SREBF1: variants seen among roughly 807,000 people sequenced by gnomAD.
SREBF1 encodes the protein sterol regulatory element-binding protein 1.
Under a neutral mutation model 100.1 loss-of-function variants are expected in SREBF1, and 45 were observed. The ratio of observed to expected loss-of-function variants is 0.45; its 90% CI spans 0.35 to 0.58. The LOEUF (loss-of-function observed/expected upper bound fraction) is 0.58. SREBF1 is among the 20% of genes least tolerant of loss of function. The pLI is 0.00. For missense variants in SREBF1, 1,324 were observed against 1,539.4 expected, an observed-to-expected ratio of 0.86 and a Z score of 2.34; for synonymous variants, 657 against 681.8, an observed-to-expected ratio of 0.96 and a Z score of 0.57.
chr17:17,830,676 C>T (rs1046867224), intron 1 of SREBF1, among the ~76,000 whole-genome samples: 2 of 152,182 alleles, frequency 1.3e-5, no homozygotes, highest in African/African-American at 4.8e-5. Flanking sequence ...CACAAATTCC[C>T]CCTAGGGGGA....
At chr17:17,828,558 G>A (rs766982921) in intron 1 of SREBF1, among the ~76,000 whole-genome samples, 2 of 152,174 alleles carry the variant, frequency 1.3e-5, no homozygotes, top group Admixed American at 6.5e-5. Flanking sequence ...AACAACCCAC[G>A]GGCCTGATGC....
chr17:17,811,602 CT>C lies in SREBF1; in HGVS notation c.*1019del, dbSNP rs368236067. The C allele has an allele frequency of 1.3e-3, 526 of 410,952 alleles. 5 individuals are homozygous for C. The highest frequency in any genetic ancestry group is 9.6e-3 in the African/African-American group (446 of 46,236). The allele number at this position is 410,952 out of a possible 1,614,324, so 25.5% of individuals were successfully genotyped here. On this transcript the variant is annotated 3_prime_UTR_variant, in exon 19 of 19. Transcript: ENST00000261646. Reference sequence around the variant, plus strand: ...ACAGAACAGGAAACCTCCCCCGCCCCTGTGCCCCCTCTCCAGTGTGGCGGCA... The same window carrying C: ...ACAGAACAGGAAACCTCCCCCGCCCCGTGCCCCCTCTCCAGTGTGGCGGCA...
Position 17,813,380 on chromosome 17 carries a change from CG to C in SREBF1, c.3201del (p.Gly1068ValfsTer139). The C allele has an allele frequency of 1.3e-6, 2 of 1,596,856 alleles. No homozygotes were observed. Among genetic ancestry groups the C allele is most frequent in the Non-Finnish European group, 1.7e-6 (2 of 1,173,400 alleles). ...GCTGCCCCCTCACCTCCTTTGCCACCGGGGCCTGCCCGCCGCCTCAGACTGC... is the reference window on the plus strand; with the variant it reads ...GCTGCCCCCTCACCTCCTTTGCCACCGGGCCTGCCCGCCGCCTCAGACTGC... ...LDRSLRRRAG[P>X]GGKGGAVAEL... On this transcript the variant is annotated frameshift_variant, in exon 18 of 19. Transcript: ENST00000261646. LOFTEE classifies it high-confidence loss of function.
Position 17,814,750 on chromosome 17 carries a change from G to A in SREBF1, c.2603-3C>T. ...CCACTTGGCCACCGGGTCTACGCCT[G>A]CAGAAGAGGGAGGGTCCCCTGAACC... is the stretch of plus-strand genomic sequence containing the variant. On this transcript the variant is annotated splice_polypyrimidine_tract_variant and splice_region_variant and intron_variant, in intron 14 of 18. Transcript: ENST00000261646. 2.5e-6 allele frequency: 4 copies of A among 1,611,410 alleles called. No homozygotes were observed. Among genetic ancestry groups the A allele is most frequent in the Non-Finnish European group, 3.4e-6 (4 of 1,179,482 alleles).
chr17:17,835,123 G>C (rs527531217), intron 1 of SREBF1, among the ~76,000 whole-genome samples: 2 of 152,202 alleles, frequency 1.3e-5, no homozygotes, highest in Non-Finnish European at 2.9e-5. Context: ...GAGGGCTTGA[G>C]CAGGATGACA....
chr17:17,819,478 G>T (rs762701559), intron 3 of SREBF1, 24 bp from the exon 4 acceptor site: 2 of 1,613,276 alleles, frequency 1.2e-6, no homozygotes, highest in Admixed American at 3.3e-5. Flanking sequence ...AGGCTTGGCT[G>T]TAAGCTGTGT....
At position 17,814,370 on chromosome 17, in the gene SREBF1, C is replaced by A. The variant is rs749088010; in HGVS notation, c.2776G>T (p.Ala926Ser). 3 of 1,567,232 alleles carry A rather than the reference C, an allele frequency of 1.9e-6. No individual in the cohort carries two copies. Among genetic ancestry groups the A allele is most frequent in the South Asian group, 1.2e-5 (1 of 85,558 alleles). ...TTGGCACAGCCCAGCAGGGCCCGGGCAGCCTTGAAGGAGTGCAGAGCTGCC... is the reference window on the plus strand; with the variant it reads ...TTGGCACAGCCCAGCAGGGCCCGGGAAGCCTTGAAGGAGTGCAGAGCTGCC... ...PRAALHSFKA[A>S]RALLGCAKAE... Residue 926 changes from alanine to serine, a missense_variant, in exon 16 of 19, where the codon GCC (alanine) becomes TCC (serine). By Grantham distance (99) the Ala-to-Ser change is moderately conservative. Transcript: ENST00000261646.
chr17:17,826,613 C>A lies in SREBF1; in HGVS notation c.92-6092G>T, dbSNP rs1316334874. Among the ~76,000 whole-genome samples the A allele has an allele frequency of 3.9e-5, 6 of 152,328 alleles. No individual in the cohort carries two copies. The East Asian group carries it at 1.2e-3, about 29-fold the overall frequency. ...TCCCCAGGCTTGTGAAGCCCTGCCACCCCTCCCCAAGCCTGGGTTCCTCCT... is the reference window on the plus strand; with the variant it reads ...TCCCCAGGCTTGTGAAGCCCTGCCAACCCTCCCCAAGCCTGGGTTCCTCCT... On this transcript the variant is annotated intron_variant, in intron 1 of 18. Transcript: ENST00000261646.
chr17:17,812,688 C>A lies in SREBF1; in HGVS notation c.3378G>T (p.Arg1126=). ...GCATCTGCTGACAGTCGTGCAGCAG[C>A]CGGCGATCGCCAAGCTTCTCGAGTG... is the stretch of plus-strand genomic sequence containing the variant. The part of the protein sequence containing the change: ...ARTLEKLGDR[R]LLHDCQQMLM... The change falls in exon 19 of 19, where the codon CGG becomes CGT. Residue 1126 remains arginine (R), a synonymous_variant. Coordinates refer to ENST00000261646, the MANE Select transcript of SREBF1 (RefSeq NM_004176.5). The A allele has an allele frequency of 6.2e-7, 1 of 1,606,334 alleles. No homozygotes were observed. Among genetic ancestry groups the A allele is most frequent in the South Asian group, 1.1e-5 (1 of 89,894 alleles).
chr17:17,823,391 CCTT>C lies in SREBF1; in HGVS notation c.92-2873_92-2871del, dbSNP rs1845232785. 15 of 785,228 alleles carry C rather than the reference CCTT, an allele frequency of 1.9e-5. No individual in the cohort carries two copies. The South Asian group carries it at 2.1e-4, about 11-fold the overall frequency. The allele number at this position is 785,228 out of a possible 1,614,324, so 48.6% of individuals were successfully genotyped here. On this transcript the variant is annotated intron_variant, in intron 1 of 18. Transcript: ENST00000261646. ...CCCCAGCGAGCTGGTAACTGTCACA[CCTT>C]CTCCCTCGGGAAGGGGCTCTTTCCT... is the stretch of plus-strand genomic sequence containing the variant.
chr17:17,820,648 G>T, intron 1 of SREBF1, 127 bp from the exon 2 acceptor site: 1 of 1,101,310 alleles, frequency 9.1e-7, no homozygotes, highest in Non-Finnish European at 1.3e-6. Context: ...TGTGGGCAAT[G>T]CCACCAGGAC....
chr17:17,820,715 T>A (rs1354836976), intron 1 of SREBF1, 194 bp from the exon 2 acceptor site: 1 of 666,524 alleles, frequency 1.5e-6, no homozygotes, highest in East Asian at 2.7e-5. Context: ...TGCGAGCACC[T>A]GTGCTGTCTA....
Position 17,820,253 on chromosome 17 carries a change from A to G in SREBF1, c.360T>C (p.Pro120=). ...YPSMPAFSPG[P]GIKEESVPLS... is the part of the protein sequence containing the mutation. ...GTGGCACTGACTCTTCCTTGATACC[A>G]GGCCCAGGGGAGAAAGCGGGCATGG... Residue 120 remains proline (P), a synonymous_variant, in exon 2 of 19, where the codon CCT becomes CCC. Transcript: ENST00000261646. 1 of 1,613,810 alleles carries G rather than the reference A, an allele frequency of 6.2e-7. No individual in the cohort carries two copies. The highest frequency in any genetic ancestry group is 8.5e-7 in the Non-Finnish European group (1 of 1,179,980).
intron 1 of SREBF1, among the ~76,000 whole-genome samples, chr17:17,823,011 T>C (rs1056615924): frequency 4.6e-5 from 7 of 152,172 alleles, no homozygotes; most frequent in Admixed American, 1.3e-4. Flanking sequence ...CTGCAGGGTT[T>C]CCCATCCCTT....
At chr17:17,821,174 C>CACACAT (rs1485888723) in intron 1 of SREBF1, among the ~76,000 whole-genome samples, 1 of 151,512 alleles carries the variant, frequency 6.6e-6, no homozygotes, top group Non-Finnish European at 1.5e-5. Context: ...CACACACACA[C>CACACAT]ATACACACTG....
chr17:17,835,817 C>T (rs1303112555), intron 1 of SREBF1, among the ~76,000 whole-genome samples: 2 of 152,368 alleles, frequency 1.3e-5, no homozygotes, highest in East Asian at 3.9e-4. Context: ...CACTGTTCTG[C>T]TCCGCCCTTT....
rs1201949327 is a variant in SREBF1, at chr17:17,817,519, G to A, written c.1405-62C>T. The A allele has an allele frequency of 2.7e-5, 42 of 1,543,224 alleles. No individual in the cohort carries two copies. The highest frequency in any genetic ancestry group is 3.2e-5 in the Non-Finnish European group (37 of 1,138,844). ...GAGGGACCCCAGAGAGCATGGGGCT[G>A]GGAAGGGGGGGGTCAGGATTCTGCC... On this transcript the variant is annotated intron_variant, in intron 7 of 18. Coordinates refer to ENST00000261646, the MANE Select transcript of SREBF1 (RefSeq NM_004176.5). The surrounding 1 kb of genome is among the most constrained non-coding windows in gnomAD (Gnocchi z 6.6).
chr17:17,812,638 G>A lies in SREBF1; in HGVS notation c.3428C>T (p.Thr1143Ile), dbSNP rs1370891819. 6.2e-7 allele frequency: 1 copy of A among 1,605,830 alleles called. No homozygotes were observed. The highest frequency in any genetic ancestry group is 1.1e-5 in the South Asian group (1 of 89,680). The change falls in exon 19 of 19, where the codon ACT (threonine) becomes ATT (isoleucine). Residue 1143 changes from threonine to isoleucine, a missense_variant. Coordinates refer to ENST00000261646, the MANE Select transcript of SREBF1 (RefSeq NM_004176.5). ...ACACGGGGTCTAGCTGGAAGTGACA[G>A]TGGTCCCACCGCCCAGGCGCATGAG... ...QMLMRLGGGT[T>I]VTSS is the part of the protein sequence containing the mutation.
intron 1 of SREBF1, among the ~76,000 whole-genome samples, chr17:17,832,747 C>T (rs530606668): frequency 3.3e-5 from 5 of 151,908 alleles, no homozygotes; most frequent in East Asian, 2.0e-4. Flanking sequence ...GGTGAAACCC[C>T]GTCTCTACTA....
Sources: allele counts gnomAD v4.1 joint callset (sites outside exome capture counted in the v4.1 genomes callset), GRCh38; gene constraint gnomAD v4.1.1; non-coding constraint Gnocchi (gnomAD v3.1); transcripts MANE v1.5; gene names NCBI Gene and HGNC (gene_info 2026-07-23, HGNC 2026-07-21).